GRIP1: variants seen among roughly 807,000 people sequenced by gnomAD.
GRIP1 encodes glutamate receptor interacting protein 1, also known as glutamate receptor-interacting protein 1.
A neutral mutation model predicts 129.9 loss-of-function variants in GRIP1; 45 were observed. The observed-to-expected ratio is 0.35, with a 90% CI of 0.27 to 0.44. The LOEUF is 0.44. GRIP1 is among the 20% of genes least tolerant of loss of function. The probability of loss-of-function intolerance (pLI) is 1.00; values close to 1 mark genes in which losing one functional copy is unlikely to be tolerated. For synonymous variants in GRIP1, 530 were observed against 520.8 expected (o/e 1.02, Z -0.24); for missense variants, 1,196 against 1,396.8 (o/e 0.86, Z 2.29).
intron 1 of GRIP1, among the ~76,000 whole-genome samples, chr12:66,809,777 A>G (rs1022151386): frequency 4.0e-5 from 6 of 151,526 alleles, no homozygotes; most frequent in Non-Finnish European, 5.9e-5. Context: ...CTCCCACCTC[A>G]GCCTCCTGAG....
chr12:66,978,978 A>C (rs1299195755), intron 1 of GRIP1, among the ~76,000 whole-genome samples: 1 of 151,964 alleles, frequency 6.6e-6, no homozygotes, highest in East Asian at 1.9e-4. Context: ...AGGCCAGCCA[A>C]GCTTTATGCC....
At chr12:66,894,002 A>G (rs1314027879) in intron 1 of GRIP1, among the ~76,000 whole-genome samples, 1 of 149,938 alleles carries the variant, frequency 6.7e-6, no homozygotes, top group African/African-American at 2.5e-5. Context: ...TCTCCTTTCT[A>G]CTCCTCTCAC....
chr12:66,664,830 T>C (rs539838853), intron 1 of GRIP1, among the ~76,000 whole-genome samples: 22 of 152,284 alleles, frequency 1.4e-4, no homozygotes, highest in African/African-American at 4.8e-4. Flanking sequence ...CGTTTTGTTT[T>C]TCTCTTTTTA....
intron 1 of GRIP1, among the ~76,000 whole-genome samples, chr12:66,698,155 TG>T (rs1172091392): frequency 6.6e-6 from 1 of 152,208 alleles, no homozygotes; most frequent in Non-Finnish European, 1.5e-5. Context: ...CCACCAGATA[TG>T]GAGGTTCATG....
At chr12:66,443,811 T>C (rs145266131) in intron 13 of GRIP1, among the ~76,000 whole-genome samples, 3 of 152,300 alleles carry the variant, frequency 2.0e-5, no homozygotes, top group African/African-American at 7.2e-5. Context: ...GTCTTCCTTG[T>C]CATTTTTAAC....
chr12:66,367,161 C>T (rs759749583), intron 23 of GRIP1, among the ~76,000 whole-genome samples: 5 of 152,136 alleles, frequency 3.3e-5, no homozygotes, highest in Non-Finnish European at 4.4e-5. Context: ...TATCAATGAA[C>T]GGTAGCTGAG....
At chr12:67,045,932 T>C (rs2043246885) in intron 1 of GRIP1, among the ~76,000 whole-genome samples, 1 of 152,160 alleles carries the variant, frequency 6.6e-6, no homozygotes, top group African/African-American at 2.4e-5. Context: ...AGAAGGCGGA[T>C]TCCTTAGAAG....
At chr12:66,985,917 A>G (rs191921695) in intron 1 of GRIP1, among the ~76,000 whole-genome samples, 26 of 152,322 alleles carry the variant, frequency 1.7e-4, no homozygotes, top group Admixed American at 4.6e-4. Context: ...TCTGATTAAA[A>G]GTACTTAGTA....
chr12:66,495,755 C>A (rs1002304662), intron 7 of GRIP1, among the ~76,000 whole-genome samples: 1 of 152,046 alleles, frequency 6.6e-6, no homozygotes, highest in African/African-American at 2.4e-5. Flanking sequence ...TTCCACAAGG[C>A]GAATGTACCA....
chr12:66,635,405 C>A (rs1167072153), intron 1 of GRIP1, among the ~76,000 whole-genome samples: 2 of 150,624 alleles, frequency 1.3e-5, no homozygotes, highest in Non-Finnish European at 1.5e-5. Flanking sequence ...GCCTGGGTGA[C>A]AGAGTGAGAC....
chr12:66,461,522 G>C (rs893378417), intron 9 of GRIP1, among the ~76,000 whole-genome samples: 1 of 152,202 alleles, frequency 6.6e-6, no homozygotes, highest in Non-Finnish European at 1.5e-5. Context: ...ACAGCTGTTT[G>C]CATTGCTATT....
intron 19 of GRIP1, among the ~76,000 whole-genome samples, chr12:66,382,805 A>G (rs1360102566): frequency 6.6e-6 from 1 of 152,214 alleles, no homozygotes; most frequent in Admixed American, 6.5e-5. Flanking sequence ...TGTATAGGAG[A>G]AGGAGAAGAA....
At chr12:66,429,950 C>T (rs1340253873) in intron 14 of GRIP1, among the ~76,000 whole-genome samples, 3 of 152,150 alleles carry the variant, frequency 2.0e-5, no homozygotes, top group Non-Finnish European at 2.9e-5. Flanking sequence ...TGAGTCCTTG[C>T]TCTTAATCAT....
chr12:66,627,141 C>A (rs1411996613), intron 1 of GRIP1, among the ~76,000 whole-genome samples: 1 of 152,180 alleles, frequency 6.6e-6, no homozygotes, highest in African/African-American at 2.4e-5. Flanking sequence ...AGCTCACACT[C>A]ACTTTACAAA....
At chr12:66,927,265 GCT>G (rs1016278924) in intron 1 of GRIP1, among the ~76,000 whole-genome samples, 39 of 152,108 alleles carry the variant, frequency 2.6e-4, no homozygotes, top group African/African-American at 9.4e-4. Flanking sequence ...AATGATTTTG[GCT>G]CCAAGAAATA....
At chr12:67,006,660 C>G (rs140823298) in intron 1 of GRIP1, among the ~76,000 whole-genome samples, 1 of 152,174 alleles carries the variant, frequency 6.6e-6, no homozygotes. Flanking sequence ...AATGCACCTA[C>G]GAGGCTACTG....
chr12:66,963,824 T>C (rs1474976193), intron 1 of GRIP1, among the ~76,000 whole-genome samples: 2 of 152,166 alleles, frequency 1.3e-5, no homozygotes, highest in Non-Finnish European at 2.9e-5. Flanking sequence ...TTGGATGTCA[T>C]TCTGCTACCT....
intron 2 of GRIP1, among the ~76,000 whole-genome samples, chr12:66,566,256 T>C (rs1175727307): frequency 6.6e-6 from 1 of 152,172 alleles, no homozygotes; most frequent in East Asian, 1.9e-4. Flanking sequence ...TGGCTGTGGG[T>C]TTATCATAAA....
chr12:66,933,453 A>G (rs2041433284), intron 1 of GRIP1, among the ~76,000 whole-genome samples: 1 of 152,226 alleles, frequency 6.6e-6, no homozygotes, highest in African/African-American at 2.4e-5. Flanking sequence ...AGATTTTGAA[A>G]TGTATTTACT....
Sources: allele counts gnomAD v4.1 joint callset (sites outside exome capture counted in the v4.1 genomes callset), GRCh38; gene constraint gnomAD v4.1.1; transcripts MANE v1.5; gene names NCBI Gene and HGNC (gene_info 2026-07-23, HGNC 2026-07-21).